Variants in ZNF385D observed in about 807,000 individuals in gnomAD.
ZNF385D encodes the protein zinc finger protein 385D, also known as zinc finger protein 659.
Under a neutral mutation model 35.8 loss-of-function variants are expected in ZNF385D, and 15 were observed. The observed-to-expected ratio is 0.42, with a 90% confidence interval of 0.28 to 0.64. The LOEUF is 0.64. ZNF385D is among the 30% of genes least tolerant of loss of function. ZNF385D has a pLI of 0.23. For synonymous variants in ZNF385D, 212 were observed against 186.8 expected, an observed-to-expected ratio of 1.13 and a Z score of -1.10; for missense variants, 474 against 494.6, an observed-to-expected ratio of 0.96 and a Z score of 0.39.
intron 3 of ZNF385D, among the ~76,000 whole-genome samples, chr3:21,962,883 G>A (rs2125322420): frequency 1.3e-5 from 2 of 152,196 alleles, no homozygotes; most frequent in South Asian, 4.1e-4. Context: ...AAGACATCTT[G>A]GAGTCACCAT....
intron 2 of ZNF385D, among the ~76,000 whole-genome samples, chr3:22,315,587 G>A (rs531384253): frequency 2.0e-5 from 3 of 152,276 alleles, no homozygotes; most frequent in African/African-American, 7.2e-5. Flanking sequence ...AAGGAGTTAT[G>A]TCACTGACAA....
chr3:21,555,760 C>T (rs1303782033), intron 3 of ZNF385D, among the ~76,000 whole-genome samples: 1 of 152,100 alleles, frequency 6.6e-6, no homozygotes, highest in Non-Finnish European at 1.5e-5. Flanking sequence ...TATGGTATTT[C>T]TGGTTCTAGA....
At chr3:21,889,563 T>C (rs993253442) in intron 3 of ZNF385D, among the ~76,000 whole-genome samples, 10 of 152,058 alleles carry the variant, frequency 6.6e-5, no homozygotes, top group African/African-American at 2.2e-4. Flanking sequence ...TAGAATCAAA[T>C]AGGACTTTAT....
chr3:22,123,180 G>C (rs754960279), intron 3 of ZNF385D, among the ~76,000 whole-genome samples: 2 of 152,058 alleles, frequency 1.3e-5, no homozygotes, highest in Non-Finnish European at 2.9e-5. Flanking sequence ...GGATGGAAGA[G>C]AAGAGAAGAG....
At chr3:22,274,101 C>A (rs536342131) in intron 2 of ZNF385D, among the ~76,000 whole-genome samples, 2 of 151,920 alleles carry the variant, frequency 1.3e-5, no homozygotes, top group South Asian at 4.1e-4. Context: ...TTGAATCTAA[C>A]CCCTTCTCCT....
At chr3:22,036,346 C>A (rs904851513) in intron 3 of ZNF385D, among the ~76,000 whole-genome samples, 3 of 152,066 alleles carry the variant, frequency 2.0e-5, no homozygotes, top group South Asian at 2.1e-4. Context: ...AAAGATATAA[C>A]CAAGTTTTGG....
At chr3:22,312,229 A>C (rs1703599912) in intron 2 of ZNF385D, among the ~76,000 whole-genome samples, 1 of 152,164 alleles carries the variant, frequency 6.6e-6, no homozygotes. Context: ...CTTCAGAAAC[A>C]CTGAGGAAAA....
At chr3:21,496,445 C>T (rs1222010211) in intron 4 of ZNF385D, among the ~76,000 whole-genome samples, 1 of 132,680 alleles carries the variant, frequency 7.5e-6, no homozygotes, top group African/African-American at 2.8e-5. Flanking sequence ...TATATATACA[C>T]ACATATTTGA....
chr3:21,820,083 A>G (rs931393768), intron 3 of ZNF385D, among the ~76,000 whole-genome samples: 2 of 151,598 alleles, frequency 1.3e-5, no homozygotes, highest in Non-Finnish European at 3.0e-5. Flanking sequence ...AATATTGAAT[A>G]TATTTTATCT....
chr3:21,951,587 G>A lies in ZNF385D; in HGVS notation c.325+217230C>T, dbSNP rs192366035. 6.1e-4 allele frequency among the ~76,000 whole-genome samples: 92 copies of A among 151,518 alleles called. 5 individuals are homozygous for A. Among genetic ancestry groups the A allele is most frequent in the African/African-American group, 2.0e-3 (84 of 41,026 alleles). On this transcript the variant is annotated intron_variant, in intron 3 of 5. Transcript: ENST00000494108. Reference sequence around the variant, plus strand: ...CCCCGGCCAGAACTTCCAATACTACGTTGAATAAGACCCTATTTTCTGAAT... The same window carrying A: ...CCCCGGCCAGAACTTCCAATACTACATTGAATAAGACCCTATTTTCTGAAT...
At chr3:22,116,396 C>A (rs1219002527) in intron 3 of ZNF385D, among the ~76,000 whole-genome samples, 1 of 151,998 alleles carries the variant, frequency 6.6e-6, no homozygotes, top group Non-Finnish European at 1.5e-5. Context: ...TCAAGAACTA[C>A]TCAGATTATT....
At chr3:22,043,634 G>A (rs1024537845) in intron 3 of ZNF385D, among the ~76,000 whole-genome samples, 7 of 152,132 alleles carry the variant, frequency 4.6e-5, no homozygotes, top group African/African-American at 1.7e-4. Flanking sequence ...TAGCAGAGGA[G>A]AGAGGGTAGG....
intron 1 of ZNF385D, among the ~76,000 whole-genome samples, chr3:21,715,722 T>C (rs767697653): frequency 6.6e-6 from 1 of 152,152 alleles, no homozygotes; most frequent in Non-Finnish European, 1.5e-5. Flanking sequence ...CAAATTTCTA[T>C]CTATATGTTA....
At chr3:22,090,662 A>G (rs1408254995) in intron 3 of ZNF385D, among the ~76,000 whole-genome samples, 1 of 152,158 alleles carries the variant, frequency 6.6e-6, no homozygotes, top group East Asian at 1.9e-4. Context: ...CAACAGTGAA[A>G]TTCACCATTT....
chr3:22,197,204 T>C (rs148394444), intron 2 of ZNF385D, among the ~76,000 whole-genome samples: 1 of 152,172 alleles, frequency 6.6e-6, no homozygotes, highest in East Asian at 1.9e-4. Flanking sequence ...TGTTTTTGAA[T>C]TTGTAATTTG....
chr3:21,735,955 A>G (rs1228108298), intron 1 of ZNF385D, among the ~76,000 whole-genome samples: 1 of 152,206 alleles, frequency 6.6e-6, no homozygotes, highest in Non-Finnish European at 1.5e-5. Context: ...CCAAGATTCC[A>G]CAGAAGTGGC....
At chr3:22,075,126 A>G (rs1190752545) in intron 3 of ZNF385D, among the ~76,000 whole-genome samples, 1 of 151,940 alleles carries the variant, frequency 6.6e-6, no homozygotes, top group Non-Finnish European at 1.5e-5. Context: ...TGGCCCAAGC[A>G]TTGATACTTT....
At chr3:21,882,527 C>G (rs1212376600) in intron 3 of ZNF385D, among the ~76,000 whole-genome samples, 1 of 151,922 alleles carries the variant, frequency 6.6e-6, no homozygotes, top group Non-Finnish European at 1.5e-5. Flanking sequence ...GTGTGTGACT[C>G]TCTTTATTGT....
chr3:22,001,384 A>G (rs751799834), intron 3 of ZNF385D, among the ~76,000 whole-genome samples: 3 of 152,166 alleles, frequency 2.0e-5, no homozygotes, highest in Middle Eastern at 6.3e-3. Flanking sequence ...GTAAAAAGAG[A>G]CAAAGAAAGT....
Sources: allele counts gnomAD v4.1 joint callset (sites outside exome capture counted in the v4.1 genomes callset), GRCh38; gene constraint gnomAD v4.1.1; transcripts MANE v1.5; gene names NCBI Gene and HGNC (gene_info 2026-07-23, HGNC 2026-07-21).